Variants in DNAH6 observed in about 807,000 individuals in gnomAD.
DNAH6 encodes the protein axonemal beta dynein heavy chain 6.
Under a neutral mutation model 491.4 loss-of-function variants are expected in DNAH6, and 340 were observed. The observed-to-expected ratio is 0.69, with a 90% CI of 0.63 to 0.76. The LOEUF is 0.76. Ranked by LOEUF, DNAH6 falls within the 30% of genes least tolerant of loss-of-function variation. The pLI is 0.00. For missense variants in DNAH6, 4,443 were observed against 4,972.2 expected (o/e 0.89, Z 3.20); for synonymous variants, 1,603 against 1,686.1 (o/e 0.95, Z 1.21).
At chr2:84,631,610 C>T (rs1354007143) in intron 29 of DNAH6, among the ~76,000 whole-genome samples, 1 of 152,016 alleles carries the variant, frequency 6.6e-6, no homozygotes, top group Non-Finnish European at 1.5e-5. Flanking sequence ...GAGAAGGCAG[C>T]CAAGTGAAGA....
intron 46 of DNAH6, among the ~76,000 whole-genome samples, 174 bp from the exon 47 acceptor site, chr2:84,697,401 A>G (rs1160191179): frequency 6.6e-6 from 1 of 152,256 alleles, no homozygotes; most frequent in Non-Finnish European, 1.5e-5. Context: ...ACACAAAGGA[A>G]AAATGAAAAA....
intron 64 of DNAH6, among the ~76,000 whole-genome samples, chr2:84,769,025 T>A (rs1418519772): frequency 6.6e-6 from 1 of 152,226 alleles, no homozygotes; most frequent in Non-Finnish European, 1.5e-5. Context: ...CTCTACTTGT[T>A]ATATAACCTG....
At chr2:84,573,300 C>G (rs982076147) in intron 11 of DNAH6, among the ~76,000 whole-genome samples, 167 bp from the exon 12 acceptor site, 1 of 152,166 alleles carries the variant, frequency 6.6e-6, no homozygotes, top group Admixed American at 6.5e-5. Flanking sequence ...CCATCAATTA[C>G]TCCTCGACAT....
chr2:84,754,875 A>C (rs1202081341), intron 63 of DNAH6, among the ~76,000 whole-genome samples: 1 of 152,222 alleles, frequency 6.6e-6, no homozygotes, highest in Non-Finnish European at 1.5e-5. Context: ...AATTTGGGGA[A>C]TATTTACCTC....
intron 46 of DNAH6, among the ~76,000 whole-genome samples, chr2:84,695,369 A>G (rs1695279375): frequency 6.6e-6 from 1 of 152,112 alleles, no homozygotes; most frequent in Non-Finnish European, 1.5e-5. Flanking sequence ...GAGTTGGCAG[A>G]GGTGTGGGAA....
intron 45 of DNAH6, among the ~76,000 whole-genome samples, chr2:84,693,426 A>G (rs1451868236): frequency 2.0e-5 from 3 of 151,936 alleles, no homozygotes; most frequent in Non-Finnish European, 2.9e-5. Flanking sequence ...CTCTCTCTCT[A>G]GTATCATCAT....
At chr2:84,553,090 G>T in intron 10 of DNAH6, 56 bp downstream of exon 10, 1 of 996,270 alleles carries the variant, frequency 1.0e-6, no homozygotes, top group Non-Finnish European at 1.5e-6. Flanking sequence ...AAATGAAGCA[G>T]CTGTTTTGCT....
chr2:84,665,496 C>CT (rs912426150), intron 37 of DNAH6, among the ~76,000 whole-genome samples: 88 of 152,300 alleles, frequency 5.8e-4, no homozygotes, highest in African/African-American at 1.9e-3. Context: ...ACTAGAAGAT[C>CT]TAGAAGAAAT....
chr2:84,814,673 C>T (rs1216051534), intron 75 of DNAH6, among the ~76,000 whole-genome samples: 4 of 152,210 alleles, frequency 2.6e-5, no homozygotes, highest in Non-Finnish European at 4.4e-5. Context: ...CTCCATCTGC[C>T]ACAGAGGCTG....
intron 13 of DNAH6, 79 bp from the exon 14 acceptor site, chr2:84,579,448 C>G: frequency 6.7e-7 from 1 of 1,492,088 alleles, no homozygotes; most frequent in Non-Finnish European, 9.2e-7. Flanking sequence ...TTTAACAAAT[C>G]CAATTAGGAT....
At chr2:84,587,515 T>A (rs1683685074) in intron 15 of DNAH6, among the ~76,000 whole-genome samples, 1 of 152,218 alleles carries the variant, frequency 6.6e-6, no homozygotes, top group Non-Finnish European at 1.5e-5. Context: ...GGTTTGAAAT[T>A]AGTTCTCTTT....
chr2:84,571,438 T>A (rs937297188), intron 11 of DNAH6, among the ~76,000 whole-genome samples: 7 of 152,152 alleles, frequency 4.6e-5, no homozygotes, highest in Non-Finnish European at 7.4e-5. Context: ...AGACAACAAA[T>A]GCCTTGTGAG....
chr2:84,707,373 C>A, intron 53 of DNAH6, 147 bp from the exon 54 acceptor site: 1 of 844,104 alleles, frequency 1.2e-6, no homozygotes, highest in African/African-American at 1.7e-5. Flanking sequence ...GGAATTAATG[C>A]TGAATTGGTG....
At chr2:84,602,100 CCAGA>C (rs3029843) in intron 18 of DNAH6, among the ~76,000 whole-genome samples, 122,148 of 151,528 alleles carry the variant, frequency 0.81, 51,918 homozygotes, top group East Asian at 0.99. Context: ...TGTTTTTGCT[CCAGA>C]CAGTTATCTT....
At chr2:84,540,256 GGAT>G in intron 4 of DNAH6, among the ~76,000 whole-genome samples, 1 of 152,256 alleles carries the variant, frequency 6.6e-6, no homozygotes, top group East Asian at 1.9e-4. Context: ...TGATTGAAGA[GGAT>G]GATTTGTGTT....
intron 70 of DNAH6, among the ~76,000 whole-genome samples, chr2:84,799,611 A>G (rs1221737215): frequency 6.6e-6 from 1 of 152,238 alleles, no homozygotes; most frequent in Admixed American, 6.5e-5. Context: ...CCACCTGCAG[A>G]CATACTCCAC....
intron 13 of DNAH6, 60 bp downstream of exon 13, chr2:84,577,468 A>G (rs970437263): frequency 3.2e-6 from 4 of 1,252,268 alleles, no homozygotes; most frequent in African/African-American, 3.1e-5. Context: ...TGATTTTTCT[A>G]CTGCACAAAA....
At chr2:84,635,477 TG>T (rs1191102697) in intron 30 of DNAH6, among the ~76,000 whole-genome samples, 3 of 152,174 alleles carry the variant, frequency 2.0e-5, no homozygotes, top group African/African-American at 7.2e-5. Context: ...CCGCATACTC[TG>T]GGGAGGCCTA....
rs1467867985 is a variant in DNAH6, at chr2:84,605,677, G to C, written c.3174+85G>C. ...TCTTCTGTGAGAGATTATGATGAGG[G>C]AATAAAACATGAGAGTCACTTAATA... On this transcript the variant is annotated intron_variant, in intron 20 of 76. Transcript: ENST00000389394. 5 of 860,462 alleles carry C rather than the reference G, an allele frequency of 5.8e-6. No individual in the cohort carries two copies. The South Asian group carries it at 9.3e-5, about 16-fold the overall frequency. The allele number at this position is 860,462 out of a possible 1,614,324, so 53.3% of individuals were successfully genotyped here. A position where few individuals can be genotyped will look rare whatever the true frequency, so the allele number is the denominator to read the frequency against.
Sources: allele counts gnomAD v4.1 joint callset (sites outside exome capture counted in the v4.1 genomes callset), GRCh38; gene constraint gnomAD v4.1.1; transcripts MANE v1.5; gene names NCBI Gene and HGNC (gene_info 2026-07-23, HGNC 2026-07-21).